PTBP1: variants seen among roughly 807,000 people sequenced by gnomAD.
PTBP1 encodes polypyrimidine tract-binding protein 1.
A neutral mutation model predicts 59.8 loss-of-function variants in PTBP1; 8 were observed. The observed-to-expected ratio is 0.13, with a 90% CI of 0.08 to 0.24. The LOEUF (loss-of-function observed/expected upper bound fraction) is 0.24, where lower values mean the gene tolerates loss of function less well. PTBP1 is among the 10% of genes least tolerant of loss of function. The probability of loss-of-function intolerance (pLI) is 1.00; values close to 1 mark genes in which losing one functional copy is unlikely to be tolerated. For missense variants in PTBP1, 686 were observed against 767.0 expected (o/e 0.89, Z 1.25); for synonymous variants, 490 against 320.7 (o/e 1.53, Z -5.64).
In PTBP1 at chr19:804,673, T is replaced by C; in HGVS notation, c.577T>C (p.Tyr193His). 2 of 1,613,026 alleles carry C rather than the reference T, an allele frequency of 1.2e-6. No individual in the cohort carries two copies. The highest frequency in any genetic ancestry group is 1.7e-6 in the Non-Finnish European group (2 of 1,179,684). The change falls in exon 6 of 15, where the codon TAC becomes CAC. Residue 193 changes from tyrosine to histidine, a missense_variant. Tyr to His is a moderately conservative substitution (Grantham distance 83). Coordinates refer to ENST00000356948, the MANE Select transcript of PTBP1 (RefSeq NM_002819.5). Reference sequence around the variant, plus strand: ...CAGGATCATCGTGGAGAACCTCTTCTACCCTGTGACCCTGGATGTGCTGCA... The same window carrying C: ...CAGGATCATCGTGGAGAACCTCTTCCACCCTGTGACCCTGGATGTGCTGCA... ...VLRIIVENLFYPVTLDVLHQI... is the reference protein window; with the variant it reads ...VLRIIVENLFHPVTLDVLHQI...
Position 804,175 on chromosome 19 carries a change from C to A in PTBP1, c.255C>A (p.Val85=). ...CCCTGGGGCTGCCCTTTGGGAAGGT[C>A]ACCAACCTCCTGATGCTGAAGGGGA... ...VISLGLPFGK[V]TNLLMLKGKN... is the part of the protein sequence containing the mutation. The change falls in exon 4 of 15, where the codon GTC becomes GTA. Residue 85 remains valine (V), a synonymous_variant. Transcript: ENST00000356948. 6.2e-7 allele frequency: 1 copy of A among 1,610,084 alleles called. No homozygotes were observed. Among genetic ancestry groups the A allele is most frequent in the Non-Finnish European group, 8.5e-7 (1 of 1,177,564 alleles).
intron 2 of PTBP1, among the ~76,000 whole-genome samples, chr19:799,682 T>C (rs903147018): frequency 6.6e-6 from 1 of 152,226 alleles, no homozygotes; most frequent in Non-Finnish European, 1.5e-5. Flanking sequence ...GAGCTGCTCT[T>C]CGGTTCTTGC....
rs1481926679 is a variant in PTBP1 at position 808,539 on chromosome 19, C to T, written c.1247-7C>T. 3.2e-6 allele frequency: 5 copies of T among 1,581,856 alleles called. No individual in the cohort carries two copies. The highest frequency in any genetic ancestry group is 4.3e-6 in the Non-Finnish European group (5 of 1,166,344). On this transcript the variant is annotated splice_polypyrimidine_tract_variant and splice_region_variant and intron_variant, in intron 12 of 14. Coordinates refer to ENST00000356948, the MANE Select transcript of PTBP1 (RefSeq NM_002819.5). The surrounding 1 kb of genome is among the most constrained non-coding windows in gnomAD (Gnocchi z 4.7). The stretch of plus-strand genomic sequence containing the variant: ...GGCGCCTGGTCACGCGGGTGCTGCT[C>T]CCCCAGCCATGAGCCACCTGAACGG...
At chr19:805,370 GATCTGCCCGCGAA>G (rs2145049982) in intron 8 of PTBP1, 109 bp from the exon 9 acceptor site, 1 of 1,212,290 alleles carries the variant, frequency 8.2e-7, no homozygotes, top group South Asian at 1.4e-5. Context: ...TGGAGCAGCG[GATCTGCCCGCGAA>G]GGCTCTGCCG....
intron 1 of PTBP1, among the ~76,000 whole-genome samples, chr19:797,843 C>T (rs1382492581): frequency 6.7e-6 from 1 of 148,782 alleles, no homozygotes; most frequent in Non-Finnish European, 1.5e-5. Context: ...CGCTTCCCGT[C>T]CGGCCCTCGC....
At position 810,679 on chromosome 19, in the gene PTBP1, C is replaced by T. The variant is rs767908001; in HGVS notation, c.1542-15C>T. ...CAGGCTGCCCTGCGGCCGGCCCTGA[C>T]CCCCTGTCTTGCAGGAAGGACCGCA... On this transcript the variant is annotated splice_polypyrimidine_tract_variant and intron_variant, in intron 14 of 14. Transcript: ENST00000356948. 8 of 1,611,794 alleles carry T rather than the reference C, an allele frequency of 5.0e-6. No homozygotes were observed. Among genetic ancestry groups the T allele is most frequent in the South Asian group, 2.2e-5 (2 of 90,804 alleles).
intron 2 of PTBP1, among the ~76,000 whole-genome samples, chr19:801,953 C>T (rs1053451851): frequency 3.3e-5 from 5 of 152,308 alleles, no homozygotes; most frequent in Admixed American, 1.3e-4. Flanking sequence ...AACCTCAGGG[C>T]CGCCGTGACA....
chr19:797,522 C>T lies in PTBP1; in HGVS notation c.8+17C>T. On this transcript the variant is annotated intron_variant, in intron 1 of 14. Transcript: ENST00000356948. ...CATGGACGGGTGAGTCGCACGTCGC[C>T]CCGCGCCCCACCGCCCTCCCCGCGC... 6.6e-7 allele frequency: 1 copy of T among 1,507,088 alleles called. No individual in the cohort carries two copies. The allele number at this position is 1,507,088 out of a possible 1,614,324, so 93.4% of individuals were successfully genotyped here.
At chr19:807,831 C>T (rs774274402) in intron 10 of PTBP1, 38 bp from the exon 11 acceptor site, 2 of 1,598,092 alleles carry the variant, frequency 1.3e-6, no homozygotes, top group African/African-American at 1.3e-5. Context: ...TCTCCCTCTC[C>T]CCTGTCCCTC....
At chr19:798,781 C>T (rs2034195862) in intron 1 of PTBP1, among the ~76,000 whole-genome samples, 1 of 152,224 alleles carries the variant, frequency 6.6e-6, no homozygotes, top group Admixed American at 6.5e-5. Context: ...TCGGACAGTC[C>T]GGCTTTCTAT....
Position 810,847 on chromosome 19 carries a change from G to C in PTBP1, c.*21G>C, listed in dbSNP as rs758618601. ...TCTAGGGGCACAGGCCCCCACGGCC[G>C]GGCCCCCTGGCGACAACTTCCATCA... On this transcript the variant is annotated 3_prime_UTR_variant, in exon 15 of 15. Coordinates refer to ENST00000356948, the MANE Select transcript of PTBP1 (RefSeq NM_002819.5). The C allele has an allele frequency of 5.4e-5, 82 of 1,511,870 alleles. No individual in the cohort carries two copies. The Middle Eastern group carries it at 6.3e-4, about 12-fold the overall frequency. The allele number at this position is 1,511,870 out of a possible 1,614,324, so 93.7% of individuals were successfully genotyped here.
Position 811,874 on chromosome 19 carries a change from C to A in PTBP1, c.*1048C>A, listed in dbSNP as rs1348969961. On this transcript the variant is annotated 3_prime_UTR_variant, in exon 15 of 15. Coordinates refer to ENST00000356948, the MANE Select transcript of PTBP1 (RefSeq NM_002819.5). ...CAAATTTTGGACCAAAGTCTCATTTCTGTGTTTTGCCTGCCTCTGATGCTG... is the reference window on the plus strand; with the variant it reads ...CAAATTTTGGACCAAAGTCTCATTTATGTGTTTTGCCTGCCTCTGATGCTG... 1.3e-5 allele frequency: 2 copies of A among 152,348 alleles called. No homozygotes were observed. The highest frequency in any genetic ancestry group is 2.4e-5 in the African/African-American group (1 of 41,422). The allele number at this position is 152,348 out of a possible 1,614,324, so 9.4% of individuals were successfully genotyped here.
intron 9 of PTBP1, chr19:806,100 T>TGCTTGCCGAGGGCCCC (rs2034555552): frequency 3.1e-6 from 1 of 322,054 alleles, no homozygotes; most frequent in African/African-American, 2.2e-5. Context: ...GGACGGGCCC[T>TGCTTGCCGAGGGCCCC]GCTTGCCGAG....
intron 13 of PTBP1, among the ~76,000 whole-genome samples, chr19:809,591 A>C (rs559812903): frequency 1.3e-5 from 2 of 152,298 alleles, no homozygotes. Context: ...AAGTGCTGGG[A>C]TAACAGGTGG....
chr19:809,819 C>T lies in PTBP1; in HGVS notation c.1464-724C>T, dbSNP rs571074688. On this transcript the variant is annotated intron_variant, in intron 13 of 14. Coordinates refer to ENST00000356948, the MANE Select transcript of PTBP1 (RefSeq NM_002819.5). ...GGAGGTTGAGGTGGGAGGTTCACTT[C>T]GCGCTCAGGAGGTTGAGGTTGCAGT... Among the ~76,000 whole-genome samples, 12 of 152,272 alleles carry T rather than the reference C, an allele frequency of 7.9e-5. No homozygotes were observed. The South Asian group carries it at 1.7e-3, about 21-fold the overall frequency.
intron 2 of PTBP1, among the ~76,000 whole-genome samples, chr19:802,065 C>T (rs1456361618): frequency 4.6e-5 from 7 of 152,190 alleles, no homozygotes; most frequent in Admixed American, 4.6e-4. Context: ...CTGGTTCCGG[C>T]CCTTGTGGCT....
chr19:802,102 T>C (rs560740737), intron 2 of PTBP1, among the ~76,000 whole-genome samples: 1 of 152,316 alleles, frequency 6.6e-6, no homozygotes, highest in Non-Finnish European at 1.5e-5. Flanking sequence ...GGTGACGCCC[T>C]GAGTGCTTGT....
chr19:803,696 AC>A (rs1345525628), intron 3 of PTBP1, 60 bp downstream of exon 3: 27 of 1,448,278 alleles, frequency 1.9e-5, no homozygotes, highest in Non-Finnish European at 2.2e-5. Context: ...GAACAACGTT[AC>A]GTTCTTGTTC....
rs1024430116 is a variant in PTBP1 at position 810,611 on chromosome 19, A to G, written c.1532A>G (p.Lys511Arg). 2 of 1,613,890 alleles carry G rather than the reference A, an allele frequency of 1.2e-6. No homozygotes were observed. Among genetic ancestry groups the G allele is most frequent in the Non-Finnish European group, 1.7e-6 (2 of 1,179,922 alleles). The change falls in exon 14 of 15, where the codon AAG becomes AGG. Residue 511 changes from lysine to arginine, a missense_variant. Lys to Arg is a conservative substitution (Grantham distance 26). Coordinates refer to ENST00000356948, the MANE Select transcript of PTBP1 (RefSeq NM_002819.5). ...SSNGGVVKGF[K>R]FFQKDRKMAL... ...AATGGGGGCGTCGTCAAAGGATTCAAGTTCTTCCAGTGAGTATGAGGCGGG... is the reference window on the plus strand; with the variant it reads ...AATGGGGGCGTCGTCAAAGGATTCAGGTTCTTCCAGTGAGTATGAGGCGGG...
Sources: allele counts gnomAD v4.1 joint callset (sites outside exome capture counted in the v4.1 genomes callset), GRCh38; gene constraint gnomAD v4.1.1; non-coding constraint Gnocchi (gnomAD v3.1); transcripts MANE v1.5; gene names NCBI Gene and HGNC (gene_info 2026-07-23, HGNC 2026-07-21).